The following ANO1 variants were observed in gnomAD, a reference collection of about 807,000 sequenced individuals.
ANO1 encodes anoctamin-1.
Under a neutral mutation model 124.0 loss-of-function variants are expected in ANO1, and 59 were observed. That is an observed-to-expected ratio of 0.48 (90% CI 0.39 to 0.59). The LOEUF (loss-of-function observed/expected upper bound fraction) is 0.59, where lower values mean the gene tolerates loss of function less well. ANO1 is among the 20% of genes least tolerant of loss of function. The pLI, the probability that ANO1 is intolerant of heterozygous loss-of-function variation, is 0.00. For synonymous variants in ANO1, 529 were observed against 532.0 expected (o/e 0.99, Z 0.08); for missense variants, 1,059 against 1,328.0 (o/e 0.80, Z 3.15).
intron 10 of ANO1, 56 bp from the exon 11 acceptor site, chr11:70,131,863 G>A: frequency 6.4e-7 from 1 of 1,558,312 alleles, no homozygotes; most frequent in African/African-American, 1.3e-5. Context: ...CGGCACCCAG[G>A]AGGTGCTCCA....
intron 6 of ANO1, among the ~76,000 whole-genome samples, chr11:70,110,184 CTTTTTTTTTTT>C (rs923690897): frequency 3.0e-4 from 35 of 118,064 alleles, no homozygotes; most frequent in Non-Finnish European, 2.2e-4. Context: ...TGTTCACTTT[CTTTTTTTTTTT>C]TTTTTTTTTT....
At chr11:70,175,204 C>T (rs2048645881) in intron 22 of ANO1, among the ~76,000 whole-genome samples, 1 of 152,386 alleles carries the variant, frequency 6.6e-6, no homozygotes, top group East Asian at 1.9e-4. Flanking sequence ...CAGCAGCAGG[C>T]CTTCCGCGTG....
chr11:70,066,847 C>T (rs936616031), intron 1 of ANO1, among the ~76,000 whole-genome samples: 76 of 152,262 alleles, frequency 5.0e-4, no homozygotes, highest in Non-Finnish European at 2.1e-4. Context: ...CACTCTGCCC[C>T]GGCCTGGTTG....
chr11:70,045,625 T>A (rs891168944), intron 1 of ANO1, among the ~76,000 whole-genome samples: 13 of 152,140 alleles, frequency 8.5e-5, no homozygotes, highest in Admixed American at 4.6e-4. Context: ...AGGCTGGACA[T>A]GACTCATACA....
At chr11:70,021,401 C>A (rs1221602759) in intron 1 of ANO1, among the ~76,000 whole-genome samples, 1 of 152,032 alleles carries the variant, frequency 6.6e-6, no homozygotes, top group Non-Finnish European at 1.5e-5. Flanking sequence ...CACTCCCACC[C>A]CTTCTTTTTC....
chr11:69,990,076 T>C (rs1434875896), intron 1 of ANO1, among the ~76,000 whole-genome samples: 1 of 152,216 alleles, frequency 6.6e-6, no homozygotes, highest in Non-Finnish European at 1.5e-5. Context: ...ATCATCACTA[T>C]CTATTTTCAA....
intron 1 of ANO1, chr11:70,018,215 TGCATGGGG>T (rs1475017623): frequency 6.6e-6 from 1 of 152,002 alleles, no homozygotes; most frequent in East Asian, 1.9e-4. Flanking sequence ...AATTTAGCTG[TGCATGGGG>T]GCACACACCT....
At chr11:70,077,794 C>T (rs2044081620), upstream of ANO1, among the ~76,000 whole-genome samples, 1 of 152,208 alleles carries the variant, frequency 6.6e-6, no homozygotes, top group African/African-American at 2.4e-5. Context: ...GCTGCACGCA[C>T]CTGGGCACAG....
At chr11:70,136,088 C>T (rs1327064695) in intron 11 of ANO1, among the ~76,000 whole-genome samples, 2 of 152,202 alleles carry the variant, frequency 1.3e-5, no homozygotes, top group African/African-American at 2.4e-5. Flanking sequence ...GCAGATTGGT[C>T]AACACCCTGG....
chr11:70,058,342 T>C (rs1243563163), intron 1 of ANO1, among the ~76,000 whole-genome samples: 1 of 152,194 alleles, frequency 6.6e-6, no homozygotes, highest in Non-Finnish European at 1.5e-5. Context: ...TTGATTTAGG[T>C]AAAAACAACA....
chr11:70,055,909 C>T (rs570493199), intron 1 of ANO1, among the ~76,000 whole-genome samples: 18 of 152,190 alleles, frequency 1.2e-4, no homozygotes, highest in African/African-American at 4.1e-4. Flanking sequence ...ACAATATTTA[C>T]ACCACCTTTG....
At chr11:70,013,176 TGCA>T (rs1376052174) in intron 1 of ANO1, among the ~76,000 whole-genome samples, 1 of 152,140 alleles carries the variant, frequency 6.6e-6, no homozygotes, top group African/African-American at 2.4e-5. Flanking sequence ...AGGCCAGCAG[TGCA>T]AAAGTCCTGA....
chr11:70,063,725 T>G (rs1857650896), intron 1 of ANO1: 1 of 152,068 alleles, frequency 6.6e-6, no homozygotes, highest in Non-Finnish European at 1.5e-5. Context: ...TTTGGATGAG[T>G]CAAAATCAGG....
intron 1 of ANO1, among the ~76,000 whole-genome samples, chr11:69,988,367 C>T (rs56363382): frequency 0.064 from 9,739 of 152,272 alleles, 427 homozygotes; most frequent in South Asian, 0.11. Flanking sequence ...AGCCCTGTGC[C>T]CTCGGCCAAC....
chr11:70,155,914 C>T lies in ANO1; in HGVS notation c.1429C>T (p.Arg477Cys), dbSNP rs1306428114. Residue 477 changes from arginine (R) to cysteine (C), a missense_variant, in exon 15 of 26, where the codon CGC becomes TGC. Transcript: ENST00000355303. The stretch of plus-strand genomic sequence containing the variant: ...TCTTTCCCCCACCCCCCCTCAGAAG[C>T]GCCGGCATATTCCAGAGGAGTCAAC... ...LKKESRNKEK[R>C]RHIPEESTNK... The T allele has an allele frequency of 1.7e-5, 26 of 1,540,322 alleles. No homozygotes were observed. The highest frequency in any genetic ancestry group is 7.5e-5 in the East Asian group (3 of 39,918).
chr11:69,975,746 T>A, the ANO1 span, among the ~76,000 whole-genome samples: 1 of 152,230 alleles, frequency 6.6e-6, no homozygotes, highest in South Asian at 2.1e-4. Context: ...AAACCAGAGC[T>A]CACCAGCCAG....
intron 1 of ANO1, among the ~76,000 whole-genome samples, chr11:70,053,104 T>C (rs781817233): frequency 2.0e-5 from 3 of 152,240 alleles, no homozygotes; most frequent in Admixed American, 6.5e-5. Flanking sequence ...GTTAATCTTG[T>C]ATTCAGTGAC....
chr11:70,138,594 G>A (rs980877813), intron 11 of ANO1, among the ~76,000 whole-genome samples: 5 of 151,950 alleles, frequency 3.3e-5, no homozygotes, highest in Admixed American at 2.6e-4. Flanking sequence ...CATCTCCCGC[G>A]TGCTGACTCA....
chr11:70,104,216 G>A (rs926198281), intron 4 of ANO1, 66 bp downstream of exon 4: 10 of 1,484,932 alleles, frequency 6.7e-6, no homozygotes, highest in Middle Eastern at 1.9e-4. Context: ...CTTCTAGCAT[G>A]AGAAATGCAG....
Sources: allele counts gnomAD v4.1 joint callset (sites outside exome capture counted in the v4.1 genomes callset), GRCh38; gene constraint gnomAD v4.1.1; transcripts MANE v1.5; gene names NCBI Gene and HGNC (gene_info 2026-07-23, HGNC 2026-07-21).